CEP128: variants seen among roughly 807,000 people sequenced by gnomAD.
CEP128 encodes the protein centrosomal protein 128kDa.
Under a neutral mutation model 156.7 loss-of-function variants are expected in CEP128, and 132 were observed. That is an observed-to-expected ratio of 0.84 (90% CI 0.73 to 0.97). The LOEUF is 0.97. Ranked by LOEUF, CEP128 falls within the 50% of genes least tolerant of loss-of-function variation. CEP128 has a pLI of 0.00. For synonymous variants in CEP128, 469 were observed against 448.9 expected (o/e 1.04, Z -0.57); for missense variants, 1,252 against 1,281.9 (o/e 0.98, Z 0.36).
chr14:80,847,152 T>C (rs529403142), intron 9 of CEP128, among the ~76,000 whole-genome samples: 2 of 152,130 alleles, frequency 1.3e-5, no homozygotes, highest in South Asian at 4.1e-4. Context: ...GAAAAAAACA[T>C]CAAAAGTGTT....
At chr14:80,536,913 GAGGGTACATA>G (rs55738765) in intron 21 of CEP128, among the ~76,000 whole-genome samples, 12,173 of 152,218 alleles carry the variant, frequency 0.08, 586 homozygotes, top group African/African-American at 0.12. Flanking sequence ...ATTGGGGTAA[GAGGGTACATA>G]AGGCTTGTTA....
chr14:80,797,708 C>T (rs1039022033), intron 13 of CEP128, among the ~76,000 whole-genome samples: 1 of 152,142 alleles, frequency 6.6e-6, no homozygotes, highest in Admixed American at 6.5e-5. Context: ...TCCCAACACA[C>T]ATACACTCTC....
intron 2 of CEP128, among the ~76,000 whole-genome samples, chr14:80,936,005 G>A (rs1266846260): frequency 6.6e-6 from 1 of 152,122 alleles, no homozygotes; most frequent in Admixed American, 6.5e-5. Context: ...CCAAAACCTA[G>A]CAGGCTCAGT....
At chr14:80,619,628 G>C (rs1024586985) in intron 19 of CEP128, among the ~76,000 whole-genome samples, 2 of 151,468 alleles carry the variant, frequency 1.3e-5, no homozygotes, top group African/African-American at 2.4e-5. Context: ...CTTGAACCTG[G>C]GAGGCAGAGG....
chr14:80,657,062 A>T (rs1318943471), intron 19 of CEP128, among the ~76,000 whole-genome samples: 1 of 151,958 alleles, frequency 6.6e-6, no homozygotes. Flanking sequence ...GTTCAAGACC[A>T]GCCTGGCCAA....
At chr14:80,791,781 G>A (rs776648763) in intron 14 of CEP128, among the ~76,000 whole-genome samples, 2 of 152,140 alleles carry the variant, frequency 1.3e-5, no homozygotes, top group Non-Finnish European at 2.9e-5. Context: ...CTATATGTCC[G>A]AGAAATTCAT....
chr14:80,927,438 G>A (rs1318083893), intron 2 of CEP128, among the ~76,000 whole-genome samples: 2 of 152,180 alleles, frequency 1.3e-5, no homozygotes, highest in Non-Finnish European at 2.9e-5. Flanking sequence ...TGCATCTGTA[G>A]ACAGCCTTTC....
At chr14:80,634,214 T>G (rs963352364) in intron 19 of CEP128, among the ~76,000 whole-genome samples, 2 of 152,238 alleles carry the variant, frequency 1.3e-5, no homozygotes, top group Non-Finnish European at 2.9e-5. Context: ...TTCAGAGGAA[T>G]AACTGTTGAG....
chr14:80,791,960 G>A (rs540690989), intron 14 of CEP128, among the ~76,000 whole-genome samples: 2 of 152,150 alleles, frequency 1.3e-5, no homozygotes, highest in South Asian at 2.1e-4. Flanking sequence ...CAGAGTTCTC[G>A]ACAAGTGACA....
chr14:80,502,814 A>G (rs183849301), intron 24 of CEP128, among the ~76,000 whole-genome samples: 73 of 152,116 alleles, frequency 4.8e-4, no homozygotes, highest in South Asian at 2.1e-4. Flanking sequence ...ATTTAAAGGG[A>G]GATTAAAGAA....
At chr14:80,706,584 G>A (rs1381767639) in intron 19 of CEP128, among the ~76,000 whole-genome samples, 1 of 151,920 alleles carries the variant, frequency 6.6e-6, no homozygotes, top group East Asian at 1.9e-4. Context: ...TATTTTTTCT[G>A]TATCTCCAGT....
chr14:80,542,207 CTT>C (rs1243128436), intron 21 of CEP128, among the ~76,000 whole-genome samples: 2 of 152,278 alleles, frequency 1.3e-5, no homozygotes, highest in East Asian at 3.9e-4. Context: ...TTACTTGTCT[CTT>C]TCATTACACT....
intron 2 of CEP128, among the ~76,000 whole-genome samples, chr14:80,918,262 ACC>A (rs1884668845): frequency 6.6e-6 from 1 of 152,260 alleles, no homozygotes; most frequent in Non-Finnish European, 1.5e-5. Context: ...TATAATGTTC[ACC>A]TTTTAAACTT....
chr14:80,803,221 G>T (rs1883977826), intron 13 of CEP128, among the ~76,000 whole-genome samples: 1 of 152,072 alleles, frequency 6.6e-6, no homozygotes, highest in Admixed American at 6.6e-5. Context: ...CATTCTTTGT[G>T]CTCTATTTCA....
At chr14:80,946,368 T>G (rs1213551958), upstream of CEP128, among the ~76,000 whole-genome samples, 6 of 141,462 alleles carry the variant, frequency 4.2e-5, no homozygotes, top group African/African-American at 1.6e-4. Flanking sequence ...TGCCTCATGA[T>G]GCATCATGAT....
intron 19 of CEP128, among the ~76,000 whole-genome samples, chr14:80,659,218 C>G (rs1417435240): frequency 6.6e-6 from 1 of 152,050 alleles, no homozygotes; most frequent in Non-Finnish European, 1.5e-5. Context: ...GAAGAACATT[C>G]TAGAGAGAAA....
chr14:80,673,645 C>CAAA (rs4016509), intron 19 of CEP128, among the ~76,000 whole-genome samples: 19,904 of 43,864 alleles, frequency 0.45, 6,932 homozygotes, highest in Admixed American at 0.58. Context: ...GACTCCGTCT[C>CAAA]AAAAAAAAAA....
At chr14:80,599,265 C>CTTTTTTTTTTTTT (rs375136337) in intron 19 of CEP128, among the ~76,000 whole-genome samples, 1 of 85,406 alleles carries the variant, frequency 1.2e-5, no homozygotes, top group African/African-American at 4.8e-5. Context: ...CAGTCATATT[C>CTTTTTTTTTTTTT]TTTTTTTTTT....
chr14:80,610,896 C>A lies in CEP128; in HGVS notation c.2807-30473G>T, dbSNP rs533123552. ...TTATACATTAATATAGAGAAATCTC[C>A]AAGAAATGGTAAGTAAAAAGTAAGA... On this transcript the variant is annotated intron_variant, in intron 19 of 24. Transcript: ENST00000555265. Among the ~76,000 whole-genome samples, 173 of 151,826 alleles carry A rather than the reference C, an allele frequency of 1.1e-3. 2 individuals are homozygous for A. Among genetic ancestry groups the A allele is most frequent in the African/African-American group, 4.1e-3 (168 of 41,410 alleles).
Sources: allele counts gnomAD v4.1 joint callset (sites outside exome capture counted in the v4.1 genomes callset), GRCh38; gene constraint gnomAD v4.1.1; transcripts MANE v1.5; gene names NCBI Gene and HGNC (gene_info 2026-07-23, HGNC 2026-07-21).